The following PLAC1 variants were observed in gnomAD, a reference collection of about 807,000 sequenced individuals.
PLAC1 encodes placenta-specific protein 1.
For missense variants in PLAC1, 136 were observed against 163.2 expected (o/e 0.83, Z 0.91); for synonymous variants, 68 against 62.1 (o/e 1.09, Z -0.44).
At chrX:134,594,851 T>C (rs1221171232) in intron 2 of PLAC1, among the ~76,000 whole-genome samples, 1 of 108,913 alleles carries the variant, frequency 9.2e-6, no homozygotes, top group Middle Eastern at 4.7e-3. Flanking sequence ...TCTATTGTTT[T>C]CCTTTTTTTC....
intron 1 of PLAC1, among the ~76,000 whole-genome samples, chrX:134,746,813 A>G (rs1486251935): frequency 8.9e-6 from 1 of 112,047 alleles, no homozygotes; most frequent in Non-Finnish European, 1.9e-5. Flanking sequence ...TAGACTTCCA[A>G]GTCTCTTGGA....
At chrX:134,603,791 C>T (rs907612306) in intron 1 of PLAC1, among the ~76,000 whole-genome samples, 8 of 111,661 alleles carry the variant, frequency 7.2e-5, no homozygotes, top group Non-Finnish European at 1.3e-4. Flanking sequence ...TTGGTTTCTA[C>T]ATCTGTATGA....
At chrX:134,647,474 C>A (rs1057284659) in intron 1 of PLAC1, among the ~76,000 whole-genome samples, 2 of 107,874 alleles carry the variant, frequency 1.9e-5, no homozygotes, top group African/African-American at 6.8e-5. Context: ...GAGTGTCCCC[C>A]AGCCTCAGCC....
At chrX:134,641,584 A>G (rs775865085) in intron 1 of PLAC1, among the ~76,000 whole-genome samples, 4 of 112,315 alleles carry the variant, frequency 3.6e-5, no homozygotes, top group African/African-American at 9.7e-5. Context: ...TGAGCAGGAA[A>G]ACCCTCAGTC....
chrX:134,709,890 A>G (rs2078622744), intron 2 of PLAC1, among the ~76,000 whole-genome samples: 2 of 112,136 alleles, frequency 1.8e-5, no homozygotes, highest in African/African-American at 6.5e-5. Context: ...CAACACTTTG[A>G]TGCAAATATA....
chrX:134,665,314 T>G (rs2078432966), intron 2 of PLAC1, among the ~76,000 whole-genome samples: 1 of 111,987 alleles, frequency 8.9e-6, no homozygotes, highest in Non-Finnish European at 1.9e-5. Flanking sequence ...AGAAATGGCA[T>G]CATACAACAT....
At chrX:134,737,798 C>T (rs998189832) in intron 1 of PLAC1, among the ~76,000 whole-genome samples, 2 of 112,723 alleles carry the variant, frequency 1.8e-5, no homozygotes, top group African/African-American at 6.5e-5. Flanking sequence ...AAGGAAAGTC[C>T]ACTCTATTCC....
chrX:134,717,264 G>C (rs2078645980), intron 2 of PLAC1, among the ~76,000 whole-genome samples: 1 of 111,549 alleles, frequency 9.0e-6, no homozygotes, highest in Non-Finnish European at 1.9e-5. Flanking sequence ...CATATGACAA[G>C]TAGCTTTTTT....
At position 134,647,149 on chromosome X, in the gene PLAC1, A is replaced by C. The variant is rs181586121; in HGVS notation, c.-131+11179T>G. Among the ~76,000 whole-genome samples the C allele has an allele frequency of 1.5e-4, 17 of 111,564 alleles. No homozygotes were observed. The East Asian group carries it at 4.8e-3, about 32-fold the overall frequency. On this transcript the variant is annotated intron_variant, in intron 1 of 2. Transcript: ENST00000359237. ...CTCCGAAGGTAGCCGTGTAGGCAGG[A>C]AATAGCAGCCCTCTTGTCCCCCACA...
At chrX:134,738,070 C>T (rs774691468) in intron 1 of PLAC1, among the ~76,000 whole-genome samples, 11 of 111,553 alleles carry the variant, frequency 9.9e-5, no homozygotes, top group South Asian at 3.8e-4. Context: ...TGAGAGCCAT[C>T]GGGGCTTCTT....
chrX:134,655,626 G>A (rs1048992985), intron 1 of PLAC1, among the ~76,000 whole-genome samples: 1 of 111,783 alleles, frequency 8.9e-6, no homozygotes, highest in Non-Finnish European at 1.9e-5. Flanking sequence ...CTTTAGTGTC[G>A]TTTAATCTAG....
chrX:134,630,250 C>T (rs771802062), intron 1 of PLAC1, among the ~76,000 whole-genome samples: 67 of 111,889 alleles, frequency 6.0e-4, no homozygotes, highest in Non-Finnish European at 9.8e-4. Flanking sequence ...GGATTACAGG[C>T]GTGAGCCACC....
upstream of PLAC1, among the ~76,000 whole-genome samples, chrX:134,661,824 G>C (rs184616432): frequency 7.9e-4 from 89 of 112,128 alleles, no homozygotes; most frequent in African/African-American, 2.7e-3. Flanking sequence ...ATTTGTTATG[G>C]TCACAATGGT....
At chrX:134,659,913 G>A (rs757044843), upstream of PLAC1, among the ~76,000 whole-genome samples, 1 of 111,259 alleles carries the variant, frequency 9.0e-6, no homozygotes, top group South Asian at 3.9e-4. Flanking sequence ...AAACCCAGGT[G>A]GTATATAGCA....
At chrX:134,621,860 C>T (rs559922908) in intron 1 of PLAC1, among the ~76,000 whole-genome samples, 1 of 111,638 alleles carries the variant, frequency 9.0e-6, no homozygotes. Context: ...GTCCAATGGC[C>T]GTGTGGTACT....
intron 1 of PLAC1, among the ~76,000 whole-genome samples, chrX:134,634,413 GT>G (rs1045006766): frequency 7.2e-5 from 8 of 111,869 alleles, no homozygotes; most frequent in African/African-American, 2.6e-4. Flanking sequence ...CAATTCAGTG[GT>G]TTTTAGTATG....
chrX:134,566,470 G>A lies in PLAC1; in HGVS notation c.213C>T (p.Tyr71=). Residue 71 remains tyrosine (Y), a synonymous_variant, in exon 3 of 3, where the codon TAC becomes TAT. Coordinates refer to ENST00000359237, the MANE Select transcript of PLAC1 (RefSeq NM_021796.4). ...CPPNHVQPHA[Y]QFTYRVTECG... is the part of the protein sequence containing the mutation. ...ATTCAGTAACACGGTAGGTGAACTG[G>A]TAGGCGTGTGGCTGAACATGGTTTG... 1 of 1,211,654 alleles carries A rather than the reference G, an allele frequency of 8.3e-7. No individual in the cohort carries two copies. Among genetic ancestry groups the A allele is most frequent in the Non-Finnish European group, 1.1e-6 (1 of 895,196 alleles).
intron 1 of PLAC1, among the ~76,000 whole-genome samples, chrX:134,761,573 T>C (rs1227395116): frequency 8.9e-6 from 1 of 112,151 alleles, no homozygotes; most frequent in Non-Finnish European, 1.9e-5. Flanking sequence ...ACAGTATCTC[T>C]GTTAGAACCT....
chrX:134,714,432 T>G (rs767691110), intron 2 of PLAC1, among the ~76,000 whole-genome samples: 1 of 110,406 alleles, frequency 9.1e-6, no homozygotes, highest in East Asian at 2.9e-4. Context: ...TAACCTTTCA[T>G]GGCTTTTCTC....
Sources: allele counts gnomAD v4.1 joint callset (sites outside exome capture counted in the v4.1 genomes callset), GRCh38; gene constraint gnomAD v4.1.1; transcripts MANE v1.5; gene names NCBI Gene and HGNC (gene_info 2026-07-23, HGNC 2026-07-21).